The following TRPC5 variants were observed in gnomAD, a reference collection of about 807,000 sequenced individuals.
TRPC5 encodes transient receptor potential cation channel subfamily C member 5, also known as short transient receptor potential channel 5.
Under a neutral mutation model 56.5 loss-of-function variants are expected in TRPC5, and 9 were observed. The ratio of observed to expected loss-of-function variants is 0.16; its 90% CI spans 0.10 to 0.28. The LOEUF (loss-of-function observed/expected upper bound fraction) is 0.28. Ranked by LOEUF, TRPC5 falls within the 10% of genes least tolerant of loss-of-function variation. The pLI, the probability that TRPC5 is intolerant of heterozygous loss-of-function variation, is 1.00. For missense variants in TRPC5, 469 were observed against 748.9 expected, an observed-to-expected ratio of 0.63 and a Z score of 4.36; for synonymous variants, 282 against 278.5, an observed-to-expected ratio of 1.01 and a Z score of -0.13.
chrX:112,030,948 A>G (rs757439436), intron 1 of TRPC5, among the ~76,000 whole-genome samples: 35 of 111,480 alleles, frequency 3.1e-4, no homozygotes, highest in Non-Finnish European at 5.8e-4. Context: ...TTATACATCT[A>G]CATGTAACAG....
intron 7 of TRPC5, among the ~76,000 whole-genome samples, chrX:111,797,742 A>G (rs1490496479): frequency 9.0e-6 from 1 of 111,697 alleles, no homozygotes; most frequent in East Asian, 2.8e-4. Context: ...TTTTTGCTGT[A>G]TTAATCTAAG....
chrX:111,967,953 C>A (rs59771230), intron 1 of TRPC5, among the ~76,000 whole-genome samples: 27,640 of 109,096 alleles, frequency 0.25, 4,336 homozygotes, highest in African/African-American at 0.58. Flanking sequence ...CAATGGCAAC[C>A]AAAGCCAAAA....
intron 1 of TRPC5, among the ~76,000 whole-genome samples, chrX:112,051,493 G>A (rs753987310): frequency 9.0e-5 from 10 of 111,443 alleles, no homozygotes; most frequent in Non-Finnish European, 1.5e-4. Context: ...GTTTTCCAGG[G>A]CAATGTTCAT....
chrX:111,783,129 A>T (rs890150122), intron 7 of TRPC5, among the ~76,000 whole-genome samples: 3 of 112,254 alleles, frequency 2.7e-5, no homozygotes, highest in African/African-American at 9.7e-5. Context: ...TTTCGTATGT[A>T]TCAATAGCCC....
chrX:111,819,165 CAG>C (rs1055026263), intron 7 of TRPC5, among the ~76,000 whole-genome samples: 1 of 111,943 alleles, frequency 8.9e-6, no homozygotes, highest in Non-Finnish European at 1.9e-5. Flanking sequence ...GAAACAGAAA[CAG>C]AGCCTGATCA....
chrX:111,792,601 C>T (rs1433522793), intron 7 of TRPC5, among the ~76,000 whole-genome samples: 1 of 112,161 alleles, frequency 8.9e-6, no homozygotes, highest in Non-Finnish European at 1.9e-5. Context: ...AGTGTCCCCA[C>T]TTGCTATCAT....
intron 2 of TRPC5, among the ~76,000 whole-genome samples, chrX:111,929,125 T>G (rs183168538): frequency 8.4e-4 from 94 of 112,281 alleles, no homozygotes; most frequent in Non-Finnish European, 1.7e-3. Context: ...AAGGAAATAG[T>G]GCACTCAGCT....
intron 1 of TRPC5, among the ~76,000 whole-genome samples, chrX:112,022,248 A>G (rs1297042462): frequency 8.9e-6 from 1 of 112,578 alleles, no homozygotes; most frequent in Non-Finnish European, 1.9e-5. Flanking sequence ...GATGGAGAAT[A>G]GGAATGCTTT....
chrX:112,037,499 G>A (rs1929778083), intron 1 of TRPC5, among the ~76,000 whole-genome samples: 2 of 111,273 alleles, frequency 1.8e-5, no homozygotes, highest in South Asian at 7.6e-4. Flanking sequence ...ATTTTCTTTT[G>A]CCCTCTTGAC....
chrX:111,954,782 TG>T (rs371113188), intron 1 of TRPC5, among the ~76,000 whole-genome samples: 70 of 111,338 alleles, frequency 6.3e-4, no homozygotes, highest in African/African-American at 2.1e-3. Context: ...GGCACAGTTG[TG>T]GGGGGAAGCA....
Position 111,900,156 on chromosome X carries a change from T to A in TRPC5, c.900+12135A>T, listed in dbSNP as rs186996340. On this transcript the variant is annotated intron_variant, in intron 3 of 10. Transcript: ENST00000262839. ...TGATTTTCTGTACTCCAATAAATATTCAAGGATTATAGTCAGCTGAAAGTG... is the reference window on the plus strand; with the variant it reads ...TGATTTTCTGTACTCCAATAAATATACAAGGATTATAGTCAGCTGAAAGTG... Among the ~76,000 whole-genome samples, 579 of 112,006 alleles carry A rather than the reference T, an allele frequency of 5.2e-3. 3 individuals carry two copies. The highest frequency in any genetic ancestry group is 0.018 in the African/African-American group (560 of 30,902).
intron 6 of TRPC5, among the ~76,000 whole-genome samples, chrX:111,846,101 CT>C (rs1382600860): frequency 2.9e-5 from 3 of 104,968 alleles, no homozygotes; most frequent in African/African-American, 1.2e-4. Flanking sequence ...TGCAACAGTC[CT>C]TTTTTTCTCT....
At chrX:112,050,407 T>G (rs12014311) in intron 1 of TRPC5, among the ~76,000 whole-genome samples, 27,920 of 111,314 alleles carry the variant, frequency 0.25, 4,424 homozygotes, top group African/African-American at 0.59. Flanking sequence ...TGCTCTCATT[T>G]ATAGCAGTAT....
chrX:112,051,892 C>T (rs895476486), intron 1 of TRPC5, among the ~76,000 whole-genome samples: 2 of 111,903 alleles, frequency 1.8e-5, no homozygotes, highest in African/African-American at 6.5e-5. Context: ...TTTTTCCGAG[C>T]GGCTTATTTC....
rs147261936 is a variant in TRPC5, at chrX:112,074,037, G to C, written c.-22+7842C>G. On this transcript the variant is annotated intron_variant, in intron 1 of 10. Coordinates refer to ENST00000262839, the MANE Select transcript of TRPC5 (RefSeq NM_012471.3). Reference sequence around the variant, plus strand: ...TTACTCTGGCCAGGTACTGGGCTAAGTGCTTTGTACATGTAACTCATTTCA... The same window carrying C: ...TTACTCTGGCCAGGTACTGGGCTAACTGCTTTGTACATGTAACTCATTTCA... 7.8e-3 allele frequency among the ~76,000 whole-genome samples: 867 copies of C among 111,765 alleles called. 14 individuals carry two copies. Among genetic ancestry groups the C allele is most frequent in the African/African-American group, 0.026 (815 of 30,785 alleles).
At chrX:111,989,476 G>C (rs1054688753) in intron 1 of TRPC5, among the ~76,000 whole-genome samples, 1 of 111,666 alleles carries the variant, frequency 9.0e-6, no homozygotes, top group African/African-American at 3.3e-5. Flanking sequence ...AGAATGTTCA[G>C]AATTTTCACA....
chrX:112,011,584 G>C (rs767097985), intron 1 of TRPC5, among the ~76,000 whole-genome samples: 1 of 111,760 alleles, frequency 8.9e-6, no homozygotes, highest in African/African-American at 3.3e-5. Context: ...CTCCCCAGTG[G>C]GGGGCTTTGG....
intron 1 of TRPC5, among the ~76,000 whole-genome samples, chrX:112,035,383 C>G (rs914023408): frequency 9.1e-6 from 1 of 109,976 alleles, no homozygotes; most frequent in Non-Finnish European, 1.9e-5. Context: ...TTATCTGTCA[C>G]GTGTGGTCAG....
At chrX:111,890,948 C>T (rs1345985980) in intron 3 of TRPC5, among the ~76,000 whole-genome samples, 2 of 111,411 alleles carry the variant, frequency 1.8e-5, no homozygotes, top group African/African-American at 6.5e-5. Flanking sequence ...TTAGCTCCCA[C>T]ATATAAGTAA....
Sources: allele counts gnomAD v4.1 joint callset (sites outside exome capture counted in the v4.1 genomes callset), GRCh38; gene constraint gnomAD v4.1.1; transcripts MANE v1.5; gene names NCBI Gene and HGNC (gene_info 2026-07-23, HGNC 2026-07-21).